Variants in RASGRF2 observed in about 807,000 individuals in gnomAD.
RASGRF2 encodes the protein Ras protein specific guanine nucleotide releasing factor 2.
In RASGRF2, 76 loss-of-function variants were observed where a neutral mutation model predicts 151.0. The ratio of observed to expected loss-of-function variants is 0.50; its 90% CI spans 0.42 to 0.61. The LOEUF (loss-of-function observed/expected upper bound fraction) is 0.61. Ranked by LOEUF, RASGRF2 falls within the 20% of genes least tolerant of loss-of-function variation. The pLI, the probability that RASGRF2 is intolerant of heterozygous loss-of-function variation, is 0.00. For missense variants in RASGRF2, 1,148 were observed against 1,564.6 expected, an observed-to-expected ratio of 0.73 and a Z score of 4.49; for synonymous variants, 504 against 566.5, an observed-to-expected ratio of 0.89 and a Z score of 1.57.
intron 13 of RASGRF2, among the ~76,000 whole-genome samples, chr5:81,112,305 A>G (rs1439683836): frequency 6.6e-6 from 1 of 152,222 alleles, no homozygotes; most frequent in Non-Finnish European, 1.5e-5. Context: ...CGTAATATTC[A>G]CATTGTTTTA....
At chr5:81,058,240 G>A (rs992505736) in intron 2 of RASGRF2, among the ~76,000 whole-genome samples, 8 of 151,528 alleles carry the variant, frequency 5.3e-5, no homozygotes, top group South Asian at 4.2e-4. Context: ...ACTAAAAAGC[G>A]AAAATACAAA....
chr5:81,049,807 G>T (rs1750954041), intron 2 of RASGRF2, among the ~76,000 whole-genome samples: 1 of 152,014 alleles, frequency 6.6e-6, no homozygotes, highest in Admixed American at 6.6e-5. Flanking sequence ...TCAAGTCCTG[G>T]GCAGGCTGAC....
intron 17 of RASGRF2, among the ~76,000 whole-genome samples, chr5:81,151,161 G>A (rs893918452): frequency 1.3e-5 from 2 of 152,160 alleles, no homozygotes; most frequent in Non-Finnish European, 2.9e-5. Context: ...ATCTGACTGC[G>A]AAGAACCAAA....
chr5:81,064,030 T>G (rs529676443), intron 2 of RASGRF2, among the ~76,000 whole-genome samples: 22 of 152,328 alleles, frequency 1.4e-4, no homozygotes, highest in Non-Finnish European at 2.9e-4. Flanking sequence ...TATACACAGT[T>G]TCTGTGGGTC....
intron 1 of RASGRF2, among the ~76,000 whole-genome samples, chr5:81,029,160 C>A (rs556598851): frequency 4.8e-4 from 73 of 152,298 alleles, no homozygotes; most frequent in African/African-American, 1.7e-3. Context: ...GAAGCTCTAA[C>A]TGGGTGGAGC....
At chr5:81,011,304 A>G (rs2112314642) in intron 1 of RASGRF2, among the ~76,000 whole-genome samples, 1 of 152,232 alleles carries the variant, frequency 6.6e-6, no homozygotes, top group South Asian at 2.1e-4. Context: ...TTTATTCATG[A>G]TATGACTGTG....
At chr5:81,127,923 C>CAAAAAAAAAAAAAAAAAAAA (rs60196392) in intron 17 of RASGRF2, among the ~76,000 whole-genome samples, 11 of 64,876 alleles carry the variant, frequency 1.7e-4, no homozygotes, top group African/African-American at 6.6e-4. Flanking sequence ...GACTCCGTCT[C>CAAAAAAAAAAAAAAAAAAAA]AAAAAAAAAA....
intron 17 of RASGRF2, among the ~76,000 whole-genome samples, chr5:81,128,007 C>T (rs1011874518): frequency 1.3e-5 from 2 of 148,174 alleles, no homozygotes; most frequent in Non-Finnish European, 3.0e-5. Context: ...ACCTGAAGGA[C>T]ATTATGTTAC....
At chr5:81,005,444 A>G (rs1188035951) in intron 1 of RASGRF2, among the ~76,000 whole-genome samples, 1 of 152,166 alleles carries the variant, frequency 6.6e-6, no homozygotes, top group Non-Finnish European at 1.5e-5. Context: ...ACCTCCCACC[A>G]GGTTCTACCC....
chr5:81,035,989 A>G lies in RASGRF2; in HGVS notation c.289-6888A>G, dbSNP rs149887162. Among the ~76,000 whole-genome samples, 553 of 152,306 alleles carry G rather than the reference A, an allele frequency of 3.6e-3. 4 individuals are homozygous for G. The highest frequency in any genetic ancestry group is 0.013 in the African/African-American group (530 of 41,568). On this transcript the variant is annotated intron_variant, in intron 1 of 26. Coordinates refer to ENST00000265080, the MANE Select transcript of RASGRF2 (RefSeq NM_006909.3). ...TTAATAACACAGAAAAACAACAACA[A>G]TAATCAAGAAGTCCTACTTATTTCA... is the stretch of plus-strand genomic sequence containing the variant.
intron 1 of RASGRF2, among the ~76,000 whole-genome samples, chr5:81,029,767 G>A (rs1209587257): frequency 1.3e-5 from 2 of 152,208 alleles, no homozygotes; most frequent in Admixed American, 1.3e-4. Context: ...GCAGCTCCTT[G>A]CCAGCAATGG....
intron 1 of RASGRF2, among the ~76,000 whole-genome samples, chr5:81,037,707 G>T (rs1216814771): frequency 1.3e-5 from 2 of 152,182 alleles, no homozygotes; most frequent in Non-Finnish European, 2.9e-5. Context: ...GTTAAAAGGT[G>T]CACGTAGGTG....
chr5:80,992,410 G>T (rs1469369228), intron 1 of RASGRF2, among the ~76,000 whole-genome samples: 1 of 152,160 alleles, frequency 6.6e-6, no homozygotes, highest in African/African-American at 2.4e-5. Flanking sequence ...GTTTCTGCAA[G>T]TTTACTCAAT....
intron 15 of RASGRF2, 69 bp from the exon 16 acceptor site, chr5:81,123,573 T>C (rs537519294): frequency 5.9e-6 from 9 of 1,537,724 alleles, no homozygotes; most frequent in Admixed American, 4.0e-5. Context: ...TTTGTTTCCA[T>C]GCATGATACT....
At chr5:80,971,852 T>C (rs771905356) in intron 1 of RASGRF2, among the ~76,000 whole-genome samples, 2 of 152,054 alleles carry the variant, frequency 1.3e-5, no homozygotes, top group Non-Finnish European at 2.9e-5. Flanking sequence ...ATTACAGGCA[T>C]GAGCCACCGC....
rs986838359 is a variant in RASGRF2, at chr5:81,226,068, C to A, written c.*298C>A. On this transcript the variant is annotated 3_prime_UTR_variant, in exon 27 of 27. Coordinates refer to ENST00000265080, the MANE Select transcript of RASGRF2 (RefSeq NM_006909.3). ...TGCCATTTTAACAAAGCAGGTAAAT[C>A]GGTAAATTTTAAACTCTGTCCATGT... The A allele has an allele frequency of 1.8e-4, 46 of 250,008 alleles. No individual in the cohort carries two copies. The highest frequency in any genetic ancestry group is 1.0e-3 in the African/African-American group (44 of 44,086). The allele number at this position is 250,008 out of a possible 1,614,324, so 15.5% of individuals were successfully genotyped here. A position where few individuals can be genotyped will look rare whatever the true frequency, so the allele number is the denominator to read the frequency against.
chr5:81,166,672 G>A (rs1026760325), intron 17 of RASGRF2, among the ~76,000 whole-genome samples: 1 of 151,922 alleles, frequency 6.6e-6, no homozygotes, highest in Non-Finnish European at 1.5e-5. Flanking sequence ...GGGGAGGGAC[G>A]AAGGGCTGGT....
intron 1 of RASGRF2, among the ~76,000 whole-genome samples, chr5:81,020,545 A>G (rs1176774927): frequency 6.6e-6 from 1 of 152,114 alleles, no homozygotes; most frequent in African/African-American, 2.4e-5. Context: ...AAGTGCTAGG[A>G]TTGAGGGTAC....
intron 17 of RASGRF2, among the ~76,000 whole-genome samples, chr5:81,143,889 GAAAA>G (rs5869072): frequency 7.9e-6 from 1 of 126,808 alleles, no homozygotes; most frequent in African/African-American, 3.1e-5. Context: ...AAATGTCTCA[GAAAA>G]AAAAAAAAAA....
Sources: allele counts gnomAD v4.1 joint callset (sites outside exome capture counted in the v4.1 genomes callset), GRCh38; gene constraint gnomAD v4.1.1; transcripts MANE v1.5; gene names NCBI Gene and HGNC (gene_info 2026-07-23, HGNC 2026-07-21).